The following PCDHGB2 variants were observed in gnomAD, a reference collection of about 807,000 sequenced individuals.
PCDHGB2 encodes the protein protocadherin gamma subfamily B, 2.
A neutral mutation model predicts 59.3 loss-of-function variants in PCDHGB2; 55 were observed. The observed-to-expected ratio is 0.93, with a 90% CI of 0.75 to 1.16. PCDHGB2 has a LOEUF of 1.16. Among genes scored for constraint, PCDHGB2 ranks in the 50% most tolerant of loss-of-function variants. The pLI, the probability that PCDHGB2 is intolerant of heterozygous loss-of-function variation, is 0.00. For synonymous variants in PCDHGB2, 516 were observed against 512.0 expected, an observed-to-expected ratio of 1.01 and a Z score of -0.11; for missense variants, 1,228 against 1,198.5, an observed-to-expected ratio of 1.02 and a Z score of -0.36.
At chr5:141,409,030 G>C (rs377547144) in intron 1 of PCDHGB2, 2 of 1,614,010 alleles carry the variant, frequency 1.2e-6, no homozygotes, top group South Asian at 2.2e-5. Context: ...TCAATGCTGA[G>C]ATAAACTACT....
chr5:141,419,737 G>C lies in PCDHGB2; in HGVS notation c.2421+57181G>C, dbSNP rs201663350. The C allele has an allele frequency of 1.9e-6, 3 of 1,613,718 alleles. No homozygotes were observed. In the African/African-American group the frequency reaches 4.0e-5, roughly 22 times the overall value. Reference sequence around the variant, plus strand: ...GCCTGGGGCTGCGAACAGGCGAGGTGCGCATGGTGCGTGCTTTGGGTGACA... The same window carrying C: ...GCCTGGGGCTGCGAACAGGCGAGGTCCGCATGGTGCGTGCTTTGGGTGACA... On this transcript the variant is annotated intron_variant, in intron 1 of 3. Transcript: ENST00000522605.
Position 141,361,241 on chromosome 5 carries a change from T to A in PCDHGB2, c.1106T>A (p.Ile369Lys). ...DSPPGTVIALIKTRDRDSGEN... is the reference protein window; with the variant it reads ...DSPPGTVIALKKTRDRDSGEN... ...CCACCAGGAACAGTGATCGCCTTGA[T>A]AAAAACGAGAGACAGAGACTCTGGA... The change falls in exon 1 of 4, where the codon ATA becomes AAA. Residue 369 changes from isoleucine to lysine, a missense_variant. Physicochemically the swap from Ile to Lys is moderately radical, Grantham distance 102 (BLOSUM62 -3). Transcript: ENST00000522605. 2 of 1,613,960 alleles carry A rather than the reference T, an allele frequency of 1.2e-6. No individual in the cohort carries two copies. The highest frequency in any genetic ancestry group is 1.7e-6 in the Non-Finnish European group (2 of 1,179,874).
chr5:141,415,177 G>C, intron 1 of PCDHGB2: 3 of 1,613,926 alleles, frequency 1.9e-6, no homozygotes, highest in Non-Finnish European at 2.5e-6. Context: ...CACCGTGGCC[G>C]TGGCCGACAG....
chr5:141,505,342 T>C (rs2099845433), intron 2 of PCDHGB2, 51 bp from the exon 3 acceptor site: 1 of 1,612,738 alleles, frequency 6.2e-7, no homozygotes, highest in African/African-American at 1.3e-5. Flanking sequence ...AGGAGGGGCA[T>C]GAGCTGTGCC....
rs533568792 is a variant in PCDHGB2 at position 141,393,506 on chromosome 5, A to G, written c.2421+30950A>G. The G allele has an allele frequency of 7.4e-6, 12 of 1,614,032 alleles. No individual in the cohort carries two copies. The East Asian group carries it at 2.5e-4, about 33-fold the overall frequency. ...CTAGCACAGTGCGCATCCACGTGAC[A>G]GTGTTGGATACAAATGACAATGCCC... On this transcript the variant is annotated intron_variant, in intron 1 of 3. Transcript: ENST00000522605.
chr5:141,393,350 C>T (rs775303289), intron 1 of PCDHGB2: 25 of 1,613,840 alleles, frequency 1.5e-5, no homozygotes, highest in Non-Finnish European at 1.9e-5. Flanking sequence ...ACCACTTCTC[C>T]CTGGACGTGC....
rs1312195504 is a variant in PCDHGB2 at position 141,429,392 on chromosome 5, A to ATTTTT, written c.2422-65415_2422-65414insTTTTT. On this transcript the variant is annotated intron_variant, in intron 1 of 3. Transcript: ENST00000522605. Reference sequence around the variant, plus strand: ...GAGAAAATGTGTTTTTTTTTTAAAAAAAATTGAGATTAAGGTCTCATTATG... The same window carrying ATTTTT: ...GAGAAAATGTGTTTTTTTTTTAAAAATTTTTAAATTGAGATTAAGGTCTCATTATG... Among the ~76,000 whole-genome samples, 131 of 152,104 alleles carry ATTTTT rather than the reference A, an allele frequency of 8.6e-4. 1 individual carries two copies. Among genetic ancestry groups the ATTTTT allele is most frequent in the Non-Finnish European group, 1.5e-3 (100 of 67,974 alleles).
At chr5:141,399,627 C>A (rs751717107) in intron 1 of PCDHGB2, 19 of 1,613,788 alleles carry the variant, frequency 1.2e-5, no homozygotes, top group Non-Finnish European at 1.6e-5. Flanking sequence ...TGGCCTCTTA[C>A]GTGTCCATGA....
chr5:141,501,701 G>A (rs747266621), intron 2 of PCDHGB2, among the ~76,000 whole-genome samples: 3 of 151,984 alleles, frequency 2.0e-5, no homozygotes, highest in East Asian at 1.9e-4. Flanking sequence ...GGGTGATTCC[G>A]AGGATAAAAA....
In PCDHGB2 at chr5:141,431,494, C is replaced by A; in HGVS notation, c.2422-63313C>A. 6.2e-7 allele frequency: 1 copy of A among 1,613,956 alleles called. No homozygotes were observed. Among genetic ancestry groups the A allele is most frequent in the Middle Eastern group, 1.6e-4 (1 of 6,062 alleles). On this transcript the variant is annotated intron_variant, in intron 1 of 3. Coordinates refer to ENST00000522605, the MANE Select transcript of PCDHGB2 (RefSeq NM_018923.3). This position sits in a 1 kb window ranked among gnomAD's most constrained non-coding sequence, Gnocchi z 4.8. Reference sequence around the variant, plus strand: ...ACAACGCACCAGCGTTTGCTCAGCCCGAGTACCGCGCGAGCGTTCCGGAGA... The same window carrying A: ...ACAACGCACCAGCGTTTGCTCAGCCAGAGTACCGCGCGAGCGTTCCGGAGA...
chr5:141,387,732 C>G (rs940812767), intron 1 of PCDHGB2: 1 of 1,279,212 alleles, frequency 7.8e-7, no homozygotes, highest in South Asian at 1.6e-5. Context: ...CAGCGCCAGC[C>G]TTTACACCGC....
intron 1 of PCDHGB2, chr5:141,398,933 A>C: frequency 1.2e-6 from 2 of 1,614,010 alleles, no homozygotes; most frequent in Non-Finnish European, 1.7e-6. Context: ...GCCACTGACC[A>C]AGACGAGGGC....
chr5:141,422,479 A>G, intron 1 of PCDHGB2: 1 of 1,613,890 alleles, frequency 6.2e-7, no homozygotes, highest in Non-Finnish European at 8.5e-7. Flanking sequence ...GTTGGTCCAG[A>G]GCTACAATAT....
At position 141,431,994 on chromosome 5, in the gene PCDHGB2, G is replaced by C; in HGVS notation, c.2422-62813G>C. ...TTAGTCACAGACATAGTCTTGGATA[G>C]GGAACAGGTTCCTAGCTACAACATC... is the stretch of plus-strand genomic sequence containing the variant. On this transcript the variant is annotated intron_variant, in intron 1 of 3. Coordinates refer to ENST00000522605, the MANE Select transcript of PCDHGB2 (RefSeq NM_018923.3). The surrounding 1 kb of genome is among the most constrained non-coding windows in gnomAD (Gnocchi z 4.8). 1.9e-6 allele frequency: 3 copies of C among 1,614,188 alleles called. 1 individual carries two copies. The highest frequency in any genetic ancestry group is 2.2e-5 in the South Asian group (2 of 91,082).
At chr5:141,433,828 ACT>A (rs1431945413) in intron 1 of PCDHGB2, among the ~76,000 whole-genome samples, 2 of 142,254 alleles carry the variant, frequency 1.4e-5, no homozygotes, top group Admixed American at 7.0e-5. Flanking sequence ...CAAGAGTGAA[ACT>A]CTATCTCAAA....
At chr5:141,397,546 T>C (rs576089094) in intron 1 of PCDHGB2, among the ~76,000 whole-genome samples, 2 of 152,300 alleles carry the variant, frequency 1.3e-5, no homozygotes, top group South Asian at 2.1e-4. Flanking sequence ...GAAATCAGTA[T>C]AGTATGAAGG....
At chr5:141,455,911 ATTTT>A (rs1404284843) in intron 1 of PCDHGB2, among the ~76,000 whole-genome samples, 2 of 114,614 alleles carry the variant, frequency 1.7e-5, no homozygotes, top group African/African-American at 3.3e-5. Context: ...TTATTTATTT[ATTTT>A]GAGACGGAGT....
intron 1 of PCDHGB2, chr5:141,422,371 C>T (rs866886181): frequency 6.4e-7 from 1 of 1,567,212 alleles, no homozygotes; most frequent in South Asian, 1.2e-5. Context: ...AGAAAATGGT[C>T]AAGTCTCCTG....
intron 1 of PCDHGB2, chr5:141,375,956 G>T: frequency 1.2e-6 from 2 of 1,613,506 alleles, no homozygotes; most frequent in Non-Finnish European, 1.7e-6. Flanking sequence ...GCACACGGGC[G>T]AGGTGCGCAC....
Sources: gnomAD v4.1 joint callset for allele counts (sites outside exome capture counted in the v4.1 genomes callset) on GRCh38, gnomAD v4.1.1 for gene constraint, Gnocchi (gnomAD v3.1) non-coding constraint, MANE v1.5 for transcripts, NCBI Gene and HGNC (gene_info 2026-07-23, HGNC 2026-07-21) for gene names.